GRM8: variants seen among roughly 807,000 people sequenced by gnomAD.
GRM8 encodes the protein metabotropic glutamate receptor 8.
Under a neutral mutation model 87.2 loss-of-function variants are expected in GRM8, and 47 were observed. The observed-to-expected ratio is 0.54, with a 90% CI of 0.43 to 0.69. The LOEUF (loss-of-function observed/expected upper bound fraction) is 0.69, where lower values mean the gene tolerates loss of function less well. Ranked by LOEUF, GRM8 falls within the 30% of genes least tolerant of loss-of-function variation. The pLI is 0.00. For synonymous variants in GRM8, 396 were observed against 404.5 expected (o/e 0.98, Z 0.25); for missense variants, 1,019 against 1,139.2 (o/e 0.89, Z 1.52).
intron 3 of GRM8, among the ~76,000 whole-genome samples, chr7:126,963,417 T>G (rs1343109897): frequency 6.6e-6 from 1 of 152,162 alleles, no homozygotes; most frequent in Non-Finnish European, 1.5e-5. Flanking sequence ...ATTATATATT[T>G]AGAAAACCCC....
intron 6 of GRM8, among the ~76,000 whole-genome samples, chr7:126,773,941 A>T (rs539640735): frequency 3.3e-5 from 5 of 152,306 alleles, no homozygotes; most frequent in African/African-American, 1.2e-4. Flanking sequence ...TATTCAAATT[A>T]TTCATTTTCT....
chr7:126,754,723 A>C (rs1053995368), intron 7 of GRM8, among the ~76,000 whole-genome samples: 4 of 151,942 alleles, frequency 2.6e-5, no homozygotes, highest in African/African-American at 4.8e-5. Flanking sequence ...TTGTAAACTT[A>C]AAAGCTGTTG....
chr7:126,904,438 G>A, intron 4 of GRM8, 110 bp downstream of exon 4: 2 of 1,038,472 alleles, frequency 1.9e-6, no homozygotes, highest in African/African-American at 1.6e-5. Context: ...CTAGAAGGCA[G>A]TCTGTTATTG....
chr7:126,584,116 A>C (rs1795871217), intron 8 of GRM8, among the ~76,000 whole-genome samples: 1 of 152,216 alleles, frequency 6.6e-6, no homozygotes, highest in African/African-American at 2.4e-5. Flanking sequence ...CTCAGTGAAG[A>C]CTCAGATAAT....
chr7:126,650,094 C>T (rs932850711), intron 7 of GRM8, among the ~76,000 whole-genome samples: 5 of 152,310 alleles, frequency 3.3e-5, no homozygotes, highest in East Asian at 1.9e-4. Context: ...CAAGTCACCA[C>T]GTCTGCCTAT....
At chr7:127,241,162 C>T (rs13246388) in intron 2 of GRM8, among the ~76,000 whole-genome samples, 25,812 of 152,108 alleles carry the variant, frequency 0.17, 2,499 homozygotes, top group Middle Eastern at 0.33. Flanking sequence ...TTGCCTCATA[C>T]CATTTTCTCT....
At chr7:126,506,307 A>G (rs1332517754) in intron 9 of GRM8, among the ~76,000 whole-genome samples, 2 of 151,960 alleles carry the variant, frequency 1.3e-5, no homozygotes, top group African/African-American at 4.8e-5. Context: ...CCACTCATCC[A>G]TCAGTGAGCA....
At chr7:126,886,172 A>G (rs2131037184) in intron 6 of GRM8, among the ~76,000 whole-genome samples, 1 of 152,244 alleles carries the variant, frequency 6.6e-6, no homozygotes, top group African/African-American at 2.4e-5. Context: ...ACATACTAAC[A>G]TGCACTGAAA....
chr7:126,688,767 C>CACACACACACAG (rs1563093552), intron 7 of GRM8, among the ~76,000 whole-genome samples: 3 of 151,586 alleles, frequency 2.0e-5, no homozygotes, highest in African/African-American at 7.3e-5. Context: ...CACACACACA[C>CACACACACACAG]AGAGACACAC....
At chr7:126,781,740 G>A (rs1029857740) in intron 6 of GRM8, among the ~76,000 whole-genome samples, 2 of 152,034 alleles carry the variant, frequency 1.3e-5, no homozygotes, top group African/African-American at 4.8e-5. Context: ...TTTTGAGACA[G>A]GGTCTCACTC....
chr7:126,671,567 G>C (rs1382090133), intron 7 of GRM8, among the ~76,000 whole-genome samples: 1 of 152,136 alleles, frequency 6.6e-6, no homozygotes, highest in Admixed American at 6.5e-5. Flanking sequence ...CTACATTTTA[G>C]ATCAACCCTA....
At chr7:126,940,402 C>T (rs1477083854) in intron 3 of GRM8, among the ~76,000 whole-genome samples, 1 of 152,150 alleles carries the variant, frequency 6.6e-6, no homozygotes, top group African/African-American at 2.4e-5. Flanking sequence ...AGTGGCTTCA[C>T]AGTTCATCTG....
intron 3 of GRM8, among the ~76,000 whole-genome samples, chr7:126,958,422 A>G (rs1412205446): frequency 6.6e-6 from 1 of 152,096 alleles, no homozygotes; most frequent in East Asian, 1.9e-4. Flanking sequence ...CCCAAATACC[A>G]GTGCCCACAG....
At position 127,180,687 on chromosome 7, in the gene GRM8, G is replaced by A. The variant is rs563840035; in HGVS notation, c.510+62008C>T. On this transcript the variant is annotated intron_variant, in intron 2 of 10. Coordinates refer to ENST00000339582, the MANE Select transcript of GRM8 (RefSeq NM_000845.3). ...GTTTCATACCAGGGATGCAGGGATG[G>A]TTTAACATATGCAAGTCAATAAACA... Among the ~76,000 whole-genome samples, 47 of 152,180 alleles carry A rather than the reference G, an allele frequency of 3.1e-4. 1 individual carries two copies. Among genetic ancestry groups the A allele is most frequent in the African/African-American group, 1.1e-3 (47 of 41,548 alleles).
At chr7:126,528,736 G>A (rs540274756) in intron 9 of GRM8, among the ~76,000 whole-genome samples, 62 of 152,112 alleles carry the variant, frequency 4.1e-4, no homozygotes, top group African/African-American at 1.4e-3. Flanking sequence ...ACAGGGCTGG[G>A]GGTGATGGCA....
intron 2 of GRM8, among the ~76,000 whole-genome samples, chr7:127,154,341 A>G (rs1000473876): frequency 6.6e-6 from 1 of 151,932 alleles, no homozygotes; most frequent in African/African-American, 2.4e-5. Context: ...AGCTATTCCA[A>G]AGTACTTCCT....
At chr7:126,768,696 G>C (rs1387859716) in intron 7 of GRM8, among the ~76,000 whole-genome samples, 2 of 151,964 alleles carry the variant, frequency 1.3e-5, no homozygotes, top group Admixed American at 1.3e-4. Context: ...AGCAATATTA[G>C]ATAAAGGAAG....
At chr7:126,908,665 A>G (rs1265113489) in intron 3 of GRM8, among the ~76,000 whole-genome samples, 1 of 152,222 alleles carries the variant, frequency 6.6e-6, no homozygotes, top group East Asian at 1.9e-4. Flanking sequence ...TTTATTCACC[A>G]TGGACCTATT....
chr7:126,894,377 A>G (rs1801342499), intron 6 of GRM8, among the ~76,000 whole-genome samples: 1 of 151,958 alleles, frequency 6.6e-6, no homozygotes, highest in Non-Finnish European at 1.5e-5. Flanking sequence ...TATTCCAGAG[A>G]TTGTGTTTAT....
Sources: gnomAD v4.1 joint callset for allele counts (sites outside exome capture counted in the v4.1 genomes callset) on GRCh38, gnomAD v4.1.1 for gene constraint, MANE v1.5 for transcripts, NCBI Gene and HGNC (gene_info 2026-07-23, HGNC 2026-07-21) for gene names.